The following DTNB variants were observed in gnomAD, a reference collection of about 807,000 sequenced individuals.
DTNB encodes dystrobrevin beta, also known as DTN-B.
In DTNB, 63 loss-of-function variants were observed where a neutral mutation model predicts 90.7. That is an observed-to-expected ratio of 0.69 (90% CI 0.57 to 0.86). DTNB has a LOEUF of 0.86. DTNB is among the 40% of genes least tolerant of loss of function. DTNB has a pLI of 0.00. For synonymous variants in DTNB, 277 were observed against 286.7 expected (o/e 0.97, Z 0.34); for missense variants, 744 against 807.1 (o/e 0.92, Z 0.95).
chr2:25,395,859 TTTCTC>T (rs2149596909), intron 16 of DTNB, among the ~76,000 whole-genome samples: 1 of 152,330 alleles, frequency 6.6e-6, no homozygotes, highest in African/African-American at 2.4e-5. Context: ...GAATCTTAGT[TTTCTC>T]TTACATAATA....
chr2:25,565,671 G>C (rs1186293679), intron 8 of DTNB, among the ~76,000 whole-genome samples: 2 of 151,562 alleles, frequency 1.3e-5, no homozygotes, highest in Non-Finnish European at 2.9e-5. Flanking sequence ...CATATTTATT[G>C]AGATGATCTT....
intron 4 of DTNB, among the ~76,000 whole-genome samples, chr2:25,617,843 T>C (rs1253366086): frequency 1.3e-5 from 2 of 152,106 alleles, no homozygotes; most frequent in Non-Finnish European, 2.9e-5. Flanking sequence ...ACGCCACTGC[T>C]CTTTGGCATG....
At chr2:25,440,893 T>C (rs1234752351) in intron 12 of DTNB, among the ~76,000 whole-genome samples, 1 of 152,190 alleles carries the variant, frequency 6.6e-6, no homozygotes, top group South Asian at 2.1e-4. Flanking sequence ...CAGCTTTTGA[T>C]TGCTGACCAA....
intron 20 of DTNB, among the ~76,000 whole-genome samples, 157 bp from the exon 21 acceptor site, chr2:25,377,710 T>C (rs930427781): frequency 2.0e-5 from 3 of 152,222 alleles, no homozygotes; most frequent in South Asian, 2.1e-4. Context: ...CCTAGGGTCC[T>C]CTGCCATCAT....
chr2:25,379,206 T>C, intron 20 of DTNB, 84 bp downstream of exon 20: 1 of 1,255,668 alleles, frequency 8.0e-7, no homozygotes, highest in Non-Finnish European at 1.0e-6. Flanking sequence ...GCTAGGGACC[T>C]GTGACTGCAG....
chr2:25,452,727 T>C (rs528925884), intron 11 of DTNB, among the ~76,000 whole-genome samples: 5 of 152,054 alleles, frequency 3.3e-5, no homozygotes, highest in Non-Finnish European at 7.3e-5. Context: ...GAATCAACTA[T>C]ATTTTTTCTA....
intron 1 of DTNB, among the ~76,000 whole-genome samples, chr2:25,669,802 T>G (rs1166978615): frequency 6.6e-6 from 1 of 151,716 alleles, no homozygotes; most frequent in Non-Finnish European, 1.5e-5. Flanking sequence ...CAAAAAATTT[T>G]AAATGGTGGC....
chr2:25,455,394 C>T lies in DTNB; in HGVS notation c.1169+11G>A. On this transcript the variant is annotated intron_variant, in intron 11 of 20. Coordinates refer to ENST00000406818, the MANE Select transcript of DTNB (RefSeq NM_021907.5). Reference sequence around the variant, plus strand: ...CCCGTGGCTACCCACTGCTGCTGCACCACCACTGACCGTGCACAGTGCTGC... The same window carrying T: ...CCCGTGGCTACCCACTGCTGCTGCATCACCACTGACCGTGCACAGTGCTGC... 1.3e-6 allele frequency: 2 copies of T among 1,584,692 alleles called. No homozygotes were observed. Among genetic ancestry groups the T allele is most frequent in the Non-Finnish European group, 1.7e-6 (2 of 1,166,114 alleles).
intron 3 of DTNB, among the ~76,000 whole-genome samples, chr2:25,637,289 C>T (rs1038593173): frequency 1.3e-5 from 2 of 152,138 alleles, no homozygotes; most frequent in Admixed American, 6.5e-5. Flanking sequence ...ATTCAGGACA[C>T]AGGCATGGGC....
chr2:25,656,565 A>G (rs2082102790), intron 1 of DTNB, among the ~76,000 whole-genome samples: 1 of 152,100 alleles, frequency 6.6e-6, no homozygotes, highest in Admixed American at 6.6e-5. Flanking sequence ...AAACCCTGCC[A>G]TTTCCTTCCT....
intron 8 of DTNB, among the ~76,000 whole-genome samples, chr2:25,532,567 T>C (rs745703823): frequency 6.6e-6 from 1 of 152,172 alleles, no homozygotes; most frequent in Non-Finnish European, 1.5e-5. Context: ...GATTTAATCA[T>C]AAATAAGCAC....
At chr2:25,621,718 A>C (rs966974307) in intron 4 of DTNB, among the ~76,000 whole-genome samples, 26 of 150,620 alleles carry the variant, frequency 1.7e-4, no homozygotes, top group African/African-American at 6.4e-4. Flanking sequence ...CAGCCTCCCA[A>C]AGTGCTGGGA....
At chr2:25,576,221 G>T (rs796405205) in intron 8 of DTNB, among the ~76,000 whole-genome samples, 9,671 of 96,950 alleles carry the variant, frequency 0.1, 1,080 homozygotes, top group African/African-American at 0.3. Flanking sequence ...GAACAGTTTT[G>T]TTTTTTTTTT....
At chr2:25,397,476 A>C (rs2042685736) in intron 16 of DTNB, among the ~76,000 whole-genome samples, 1 of 152,200 alleles carries the variant, frequency 6.6e-6, no homozygotes, top group Non-Finnish European at 1.5e-5. Flanking sequence ...GGGCACAGGA[A>C]GCAGGATAAG....
chr2:25,636,328 A>G (rs1385028950), intron 3 of DTNB, among the ~76,000 whole-genome samples: 4 of 152,318 alleles, frequency 2.6e-5, no homozygotes, highest in Admixed American at 2.6e-4. Flanking sequence ...TATCCTGTAC[A>G]GTCTCAAAAT....
intron 2 of DTNB, among the ~76,000 whole-genome samples, chr2:25,647,987 A>G (rs1297982753): frequency 6.6e-6 from 1 of 152,214 alleles, no homozygotes; most frequent in East Asian, 1.9e-4. Context: ...CAAATGAGGC[A>G]GAGAACAAAG....
At chr2:25,527,863 C>A (rs2077458258) in intron 9 of DTNB, among the ~76,000 whole-genome samples, 1 of 152,122 alleles carries the variant, frequency 6.6e-6, no homozygotes, top group Non-Finnish European at 1.5e-5. Flanking sequence ...TGAACAAGCT[C>A]TTCCAAAAAT....
chr2:25,559,200 T>A (rs2057856962), intron 8 of DTNB, among the ~76,000 whole-genome samples: 1 of 152,088 alleles, frequency 6.6e-6, no homozygotes, highest in Non-Finnish European at 1.5e-5. Context: ...GCGACCCCAA[T>A]CCTCAACTCT....
chr2:25,588,585 G>A (rs1375796749), intron 6 of DTNB, among the ~76,000 whole-genome samples: 3 of 151,918 alleles, frequency 2.0e-5, no homozygotes, highest in East Asian at 1.9e-4. Context: ...GGATAGTCTC[G>A]ATCTCTTGAC....
Sources: gnomAD v4.1 joint callset for allele counts (sites outside exome capture counted in the v4.1 genomes callset) on GRCh38, gnomAD v4.1.1 for gene constraint, MANE v1.5 for transcripts, NCBI Gene and HGNC (gene_info 2026-07-23, HGNC 2026-07-21) for gene names.